Variants in HECW1 observed in about 807,000 individuals in gnomAD.
HECW1 encodes E3 ubiquitin-protein ligase HECW1.
A neutral mutation model predicts 182.3 loss-of-function variants in HECW1; 61 were observed. The observed-to-expected ratio is 0.33, with a 90% confidence interval of 0.27 to 0.41. HECW1 has a LOEUF of 0.41. HECW1 is among the 10% of genes least tolerant of loss of function. The pLI, the probability that HECW1 is intolerant of heterozygous loss-of-function variation, is 1.00. For synonymous variants in HECW1, 859 were observed against 832.6 expected, an observed-to-expected ratio of 1.03 and a Z score of -0.55; for missense variants, 1,739 against 2,108.9, an observed-to-expected ratio of 0.82 and a Z score of 3.44.
rs542156206 is a variant in HECW1, at chr7:43,203,282, A to G, written c.-31-40593A>G. ...TGCTACAGGAAGTTGATGTTCCCTA[A>G]CTTATTGAGATAGTCCTCTCTTAGT... On this transcript the variant is annotated intron_variant, in intron 2 of 29. Coordinates refer to ENST00000395891, the MANE Select transcript of HECW1 (RefSeq NM_015052.5). 1.2e-3 allele frequency among the ~76,000 whole-genome samples: 185 copies of G among 152,184 alleles called. 1 individual carries two copies. Among genetic ancestry groups the G allele is most frequent in the African/African-American group, 4.3e-3 (177 of 41,528 alleles).
intron 8 of HECW1, among the ~76,000 whole-genome samples, chr7:43,420,313 T>G (rs780732106): frequency 2.0e-5 from 3 of 152,196 alleles, no homozygotes; most frequent in Non-Finnish European, 2.9e-5. Context: ...TTCAATCCAA[T>G]AGAGGACTTA....
At chr7:43,507,955 C>T in intron 22 of HECW1, 63 bp from the exon 23 acceptor site, 2 of 1,197,364 alleles carry the variant, frequency 1.7e-6, no homozygotes, top group Non-Finnish European at 2.5e-6. Context: ...TCACAACTCA[C>T]TTAGAACCCT....
At chr7:43,359,139 C>T (rs1815545012) in intron 5 of HECW1, among the ~76,000 whole-genome samples, 1 of 152,080 alleles carries the variant, frequency 6.6e-6, no homozygotes, top group Admixed American at 6.5e-5. Context: ...ATCTTTTAAC[C>T]TAAAGAAGAC....
At chr7:43,302,621 G>C (rs1022991340) in intron 3 of HECW1, among the ~76,000 whole-genome samples, 1 of 152,182 alleles carries the variant, frequency 6.6e-6, no homozygotes, top group Non-Finnish European at 1.5e-5. Context: ...GCCGCCCCGG[G>C]AGGATGATGT....
intron 5 of HECW1, among the ~76,000 whole-genome samples, chr7:43,338,538 C>T (rs563561868): frequency 3.3e-5 from 5 of 152,146 alleles, no homozygotes; most frequent in Non-Finnish European, 5.9e-5. Context: ...CTGCTTAGCT[C>T]GTTGGTTTGT....
At chr7:43,327,201 C>T (rs1351719809) in intron 5 of HECW1, among the ~76,000 whole-genome samples, 3 of 152,032 alleles carry the variant, frequency 2.0e-5, no homozygotes, top group Non-Finnish European at 2.9e-5. Flanking sequence ...ACCTGTGCAA[C>T]GTAAAGGTGT....
intron 2 of HECW1, among the ~76,000 whole-genome samples, chr7:43,165,525 T>A (rs1791021097): frequency 6.6e-6 from 1 of 152,208 alleles, no homozygotes; most frequent in South Asian, 2.1e-4. Flanking sequence ...ATGCTTACTC[T>A]GTGGAGTTTA....
chr7:43,521,866 C>T (rs867248470), intron 24 of HECW1, among the ~76,000 whole-genome samples: 2 of 152,298 alleles, frequency 1.3e-5, no homozygotes, highest in Middle Eastern at 3.4e-3. Flanking sequence ...AAGCAAAACT[C>T]CATCTCAAAA....
chr7:43,205,633 T>C (rs1341129429), intron 2 of HECW1, among the ~76,000 whole-genome samples: 1 of 152,166 alleles, frequency 6.6e-6, no homozygotes, highest in Non-Finnish European at 1.5e-5. Flanking sequence ...AGTAAGAATG[T>C]CGCGCAGGTT....
rs967126381 is a variant in HECW1, at chr7:43,475,708, C to T, written c.3100-3902C>T. 4.8e-4 allele frequency among the ~76,000 whole-genome samples: 73 copies of T among 152,162 alleles called. No homozygotes were observed. In the Middle Eastern group the frequency reaches 0.01, roughly 21 times the overall value. ...TGGGACCACAGATGCAAAACCACTA[C>T]GCCTAGCTTTTTTGGTATATTTTTG... On this transcript the variant is annotated intron_variant, in intron 16 of 29. Transcript: ENST00000395891.
At position 43,247,350 on chromosome 7, in the gene HECW1, T is replaced by A. The variant is rs537772032; in HGVS notation, c.27+3418T>A. ...TGAGGGATCATAACAACTTCTCATG[T>A]CGAAAGTGAAGCCCAGACCAGGCAC... is the stretch of plus-strand genomic sequence containing the variant. On this transcript the variant is annotated intron_variant, in intron 3 of 29. Coordinates refer to ENST00000395891, the MANE Select transcript of HECW1 (RefSeq NM_015052.5). Among the ~76,000 whole-genome samples, 3 of 152,308 alleles carry A rather than the reference T, an allele frequency of 2.0e-5. No individual in the cohort carries two copies. The East Asian group carries it at 5.8e-4, about 29-fold the overall frequency.
chr7:43,562,419 C>G lies in HECW1; in HGVS notation c.*493C>G, dbSNP rs2082232369. ...GCTGATCAACTCTTTGTTTTCCTCT[C>G]CATCTACTTTTCCCTGTGCATAATA... is the stretch of plus-strand genomic sequence containing the variant. On this transcript the variant is annotated 3_prime_UTR_variant, in exon 30 of 30. Coordinates refer to ENST00000395891, the MANE Select transcript of HECW1 (RefSeq NM_015052.5). 1 of 229,184 alleles carries G rather than the reference C, an allele frequency of 4.4e-6. No individual in the cohort carries two copies. The allele number at this position is 229,184 out of a possible 1,614,324, so 14.2% of individuals were successfully genotyped here.
intron 13 of HECW1, among the ~76,000 whole-genome samples, chr7:43,459,843 A>G (rs763646023): frequency 3.2e-4 from 49 of 152,176 alleles, no homozygotes; most frequent in Non-Finnish European, 6.5e-4. Context: ...CAGCCAATTT[A>G]GCTTTTTAAA....
intron 16 of HECW1, among the ~76,000 whole-genome samples, chr7:43,473,080 C>A (rs1402310564): frequency 6.6e-6 from 1 of 152,190 alleles, no homozygotes. Flanking sequence ...GCCATCCTTG[C>A]AGCAATGAGT....
At chr7:43,408,849 TC>T (rs1261590003) in intron 8 of HECW1, among the ~76,000 whole-genome samples, 4 of 152,122 alleles carry the variant, frequency 2.6e-5, no homozygotes, top group African/African-American at 4.8e-5. Flanking sequence ...AGTTTTACAG[TC>T]ATAGAAACCT....
At chr7:43,397,693 T>C (rs942127936) in intron 7 of HECW1, among the ~76,000 whole-genome samples, 2 of 151,632 alleles carry the variant, frequency 1.3e-5, no homozygotes, top group Non-Finnish European at 2.9e-5. Context: ...ATTGCAAGGG[T>C]GGGGAGGGTG....
intron 3 of HECW1, among the ~76,000 whole-genome samples, chr7:43,309,427 C>G (rs1252174097): frequency 2.0e-5 from 3 of 152,212 alleles, no homozygotes; most frequent in African/African-American, 7.2e-5. Context: ...TATCTTTGCT[C>G]TCACCATGTG....
rs1324069314 is a variant in HECW1 at position 43,440,914 on chromosome 7, T to A, written c.945-1615T>A. 3.3e-5 allele frequency among the ~76,000 whole-genome samples: 5 copies of A among 152,312 alleles called. No individual in the cohort carries two copies. The East Asian group carries it at 7.7e-4, about 23-fold the overall frequency. On this transcript the variant is annotated intron_variant, in intron 9 of 29. Coordinates refer to ENST00000395891, the MANE Select transcript of HECW1 (RefSeq NM_015052.5). ...GCTTGTTGGGATATAGGTTGTCTCATAATGCCAGTGTTTTCTAGAAAGAAA... is the reference window on the plus strand; with the variant it reads ...GCTTGTTGGGATATAGGTTGTCTCAAAATGCCAGTGTTTTCTAGAAAGAAA...
In HECW1 at chr7:43,131,368, C is replaced by T. The variant is rs116901848; in HGVS notation, c.-32+16977C>T. Among the ~76,000 whole-genome samples the T allele has an allele frequency of 9.2e-3, 1,395 of 152,304 alleles. 21 individuals carry two copies. Among genetic ancestry groups the T allele is most frequent in the Middle Eastern group, 0.027 (8 of 294 alleles). On this transcript the variant is annotated intron_variant, in intron 2 of 29. Coordinates refer to ENST00000395891, the MANE Select transcript of HECW1 (RefSeq NM_015052.5). ...ACTGAGACCTGAAGTGTTTCTATGGCTTGACCAGCTCACACTGCTGGGCTT... is the reference window on the plus strand; with the variant it reads ...ACTGAGACCTGAAGTGTTTCTATGGTTTGACCAGCTCACACTGCTGGGCTT...
Sources: allele counts gnomAD v4.1 joint callset (sites outside exome capture counted in the v4.1 genomes callset), GRCh38; gene constraint gnomAD v4.1.1; transcripts MANE v1.5; gene names NCBI Gene and HGNC (gene_info 2026-07-23, HGNC 2026-07-21).